METTL14: variants seen among roughly 807,000 people sequenced by gnomAD.
METTL14 encodes methyltransferase 14, N6-adenosine-methyltransferase non-catalytic subunit, also known as N(6)-adenosine-methyltransferase non-catalytic subunit METTL14.
METTL14 carries 32 observed loss-of-function variants against 62.4 expected under a neutral mutation model. The ratio of observed to expected loss-of-function variants is 0.51; its 90% CI spans 0.39 to 0.69. The LOEUF is 0.69. METTL14 is among the 30% of genes least tolerant of loss of function. METTL14 has a pLI of 0.00. For missense variants in METTL14, 340 were observed against 551.9 expected, an observed-to-expected ratio of 0.62 and a Z score of 3.85; for synonymous variants, 150 against 180.0, an observed-to-expected ratio of 0.83 and a Z score of 1.34.
intron 1 of METTL14, among the ~76,000 whole-genome samples, chr4:118,686,086 A>AAT (rs1410571415): frequency 5.3e-5 from 8 of 152,254 alleles, no homozygotes; most frequent in African/African-American, 1.9e-4. Context: ...CATCTTATAT[A>AAT]GAGTATCCTT....
chr4:118,685,806 C>G (rs967288529), intron 1 of METTL14, among the ~76,000 whole-genome samples: 3 of 152,142 alleles, frequency 2.0e-5, no homozygotes, highest in Non-Finnish European at 4.4e-5. Flanking sequence ...CTTCCGCGGT[C>G]TTTGTGGTGC....
At chr4:118,705,244 G>A (rs1230288316) in intron 9 of METTL14, among the ~76,000 whole-genome samples, 6 of 152,174 alleles carry the variant, frequency 3.9e-5, no homozygotes, top group African/African-American at 9.7e-5. Flanking sequence ...GGAGGCCGAG[G>A]TAGGTAGACC....
intron 7 of METTL14, among the ~76,000 whole-genome samples, chr4:118,698,341 T>C (rs530701282): frequency 6.7e-5 from 10 of 150,274 alleles, no homozygotes; most frequent in African/African-American, 2.5e-4. Context: ...TAATCCCAGC[T>C]ACTCGGGAGG....
chr4:118,685,425 T>A lies in METTL14; in HGVS notation c.-110T>A. On this transcript the variant is annotated 5_prime_UTR_variant, in exon 1 of 11. Transcript: ENST00000388822. ...ACTGAGGAAAGCTATGAGGATACTC[T>A]GTTCGTAAGCTCCCGGTGAATTTTG... The A allele has an allele frequency of 8.1e-6, 9 of 1,104,552 alleles. No individual in the cohort carries two copies. Among genetic ancestry groups the A allele is most frequent in the Non-Finnish European group, 1.2e-5 (9 of 724,048 alleles). The allele number at this position is 1,104,552 out of a possible 1,614,324, so 68.4% of individuals were successfully genotyped here.
intron 9 of METTL14, 37 bp from the exon 10 acceptor site, chr4:118,705,574 A>G: frequency 6.5e-7 from 1 of 1,529,992 alleles, no homozygotes; most frequent in Non-Finnish European, 9.0e-7. Context: ...ATGACTGTTG[A>G]TGAAAACAGA....
chr4:118,694,865 A>C (rs916673626), intron 6 of METTL14, among the ~76,000 whole-genome samples: 1 of 151,722 alleles, frequency 6.6e-6, no homozygotes, highest in Admixed American at 6.6e-5. Context: ...GTAGTGGCGC[A>C]ATCTTGGCTC....
Position 118,705,713 on chromosome 4 carries a change from G to A in METTL14, c.958G>A (p.Glu320Lys). 1 of 1,614,058 alleles carries A rather than the reference G, an allele frequency of 6.2e-7. No individual in the cohort carries two copies. The highest frequency in any genetic ancestry group is 1.1e-5 in the South Asian group (1 of 91,080). Residue 320 changes from glutamate (E) to lysine (K), a missense_variant, in exon 10 of 11, where the codon GAA (glutamate) becomes AAA (lysine). This residue lies in a region of METTL14 where 62 missense variants were observed against 82.3 expected (regional missense o/e 0.75). Transcript: ENST00000388822. ...DIDLIITEEP[E>K]IGNIEKPVEI... ...TGACTTAATTATCACAGAAGAACCT[G>A]AAATTGGCAATATAGAAAAACCTGT... is the stretch of plus-strand genomic sequence containing the variant.
At chr4:118,698,027 G>C (rs2110403671) in intron 7 of METTL14, among the ~76,000 whole-genome samples, 1 of 152,262 alleles carries the variant, frequency 6.6e-6, no homozygotes, top group East Asian at 1.9e-4. Flanking sequence ...AACACAGATT[G>C]GGACTATCTT....
intron 10 of METTL14, among the ~76,000 whole-genome samples, chr4:118,707,315 T>G (rs1230329067): frequency 6.6e-6 from 1 of 151,854 alleles, no homozygotes; most frequent in Admixed American, 6.6e-5. Context: ...AGTGTAGATG[T>G]TTGGGAGTTA....
Position 118,704,063 on chromosome 4 carries a change from A to C in METTL14, c.855+12A>C. The stretch of plus-strand genomic sequence containing the variant: ...TTCAGAGAACAAAGGTATTGCCTTT[A>C]CTGATTTGTTTTTTTTAATTTTTGT... On this transcript the variant is annotated intron_variant, in intron 9 of 10. Transcript: ENST00000388822. 6.8e-7 allele frequency: 1 copy of C among 1,477,044 alleles called. No individual in the cohort carries two copies. The highest frequency in any genetic ancestry group is 1.2e-5 in the South Asian group (1 of 80,800). The allele number at this position is 1,477,044 out of a possible 1,614,324, so 91.5% of individuals were successfully genotyped here.
chr4:118,698,022 A>G (rs1724468175), intron 7 of METTL14, among the ~76,000 whole-genome samples: 2 of 152,178 alleles, frequency 1.3e-5, no homozygotes, highest in African/African-American at 2.4e-5. Context: ...GTTGGAACAC[A>G]GATTGGGACT....
At chr4:118,691,485 A>C in intron 3 of METTL14, 47 bp from the exon 4 acceptor site, 1 of 1,011,400 alleles carries the variant, frequency 9.9e-7, no homozygotes, top group Non-Finnish European at 1.5e-6. Context: ...GTGATAGAGA[A>C]ATAACCCCTA....
intron 5 of METTL14, among the ~76,000 whole-genome samples, chr4:118,694,127 T>G (rs1465215035): frequency 2.3e-5 from 3 of 128,904 alleles, no homozygotes; most frequent in African/African-American, 6.9e-5. Context: ...AAGGTAGTTG[T>G]TTTTTTTTTT....
intron 9 of METTL14, among the ~76,000 whole-genome samples, chr4:118,704,478 A>G (rs1176823186): frequency 6.6e-6 from 1 of 152,098 alleles, no homozygotes; most frequent in African/African-American, 2.4e-5. Flanking sequence ...CTGCCCTGCT[A>G]GTATCAGGCT....
At position 118,705,845 on chromosome 4, in the gene METTL14, T is replaced by C. The variant is rs777380983; in HGVS notation, c.1066+24T>C. The C allele has an allele frequency of 4.5e-6, 7 of 1,560,006 alleles. No homozygotes were observed. The South Asian group carries it at 7.8e-5, about 17-fold the overall frequency. The stretch of plus-strand genomic sequence containing the variant: ...AGGTAGGACCTCAGTTAACAACAAC[T>C]TTTATGATTCTTTGGGTTATGCATG... On this transcript the variant is annotated intron_variant, in intron 10 of 10. Coordinates refer to ENST00000388822, the MANE Select transcript of METTL14 (RefSeq NM_020961.4).
Position 118,711,006 on chromosome 4 carries a change from A to G in METTL14, c.*704A>G, listed in dbSNP as rs146200040. On this transcript the variant is annotated 3_prime_UTR_variant, in exon 11 of 11. Coordinates refer to ENST00000388822, the MANE Select transcript of METTL14 (RefSeq NM_020961.4). ...GCTTCCTAAGAAGCAAAGGAGGACAAATATTCATGTGCTAGATAGCACTGT... is the reference window on the plus strand; with the variant it reads ...GCTTCCTAAGAAGCAAAGGAGGACAGATATTCATGTGCTAGATAGCACTGT... 16 of 152,264 alleles carry G rather than the reference A, an allele frequency of 1.1e-4. No individual in the cohort carries two copies. In the East Asian group the frequency reaches 2.7e-3, roughly 26 times the overall value. The allele number at this position is 152,264 out of a possible 1,614,324, so 9.4% of individuals were successfully genotyped here. A position where few individuals can be genotyped will look rare whatever the true frequency, so the allele number is the denominator to read the frequency against.
chr4:118,688,421 G>A (rs1413632051), intron 2 of METTL14, among the ~76,000 whole-genome samples: 10 of 143,400 alleles, frequency 7.0e-5, no homozygotes, highest in Non-Finnish European at 1.2e-4. Context: ...CAGCCTGGGA[G>A]ACAGAGTGAG....
Position 118,713,066 on chromosome 4 carries a change from T to C in METTL14, c.*2764T>C. ...TCATGAAACAGCACAGTGTGAGAGG[T>C]CAAGGTGTCAACCTGGGAAGTGAGA... On this transcript the variant is annotated 3_prime_UTR_variant, in exon 11 of 11. Transcript: ENST00000388822. The C allele has an allele frequency of 6.6e-6, 1 of 152,132 alleles. No individual in the cohort carries two copies. Among genetic ancestry groups the C allele is most frequent in the Non-Finnish European group, 1.5e-5 (1 of 68,030 alleles). 9.4% of individuals were successfully genotyped at this position (152,132 alleles called of 1,614,324 possible).
At chr4:118,700,477 T>C (rs577838766) in intron 7 of METTL14, 73 bp from the exon 8 acceptor site, 82 of 1,176,666 alleles carry the variant, frequency 7.0e-5, no homozygotes, top group Middle Eastern at 6.0e-4. Flanking sequence ...TAAATCTTAA[T>C]TGTTGTTCTT....
Sources: allele counts gnomAD v4.1 joint callset (sites outside exome capture counted in the v4.1 genomes callset), GRCh38; gene constraint gnomAD v4.1.1; regional missense constraint gnomAD v4.1.1; transcripts MANE v1.5; gene names NCBI Gene and HGNC (gene_info 2026-07-23, HGNC 2026-07-21).